ADGRL2: variants seen among roughly 807,000 people sequenced by gnomAD.
ADGRL2 encodes calcium-independent alpha-latrotoxin receptor 2.
A neutral mutation model predicts 157.4 loss-of-function variants in ADGRL2; 44 were observed. The observed-to-expected ratio is 0.28, with a 90% CI of 0.22 to 0.36. ADGRL2 has a LOEUF of 0.36. Ranked by LOEUF, ADGRL2 falls within the 10% of genes least tolerant of loss-of-function variation. ADGRL2 has a pLI of 1.00. For synonymous variants in ADGRL2, 585 were observed against 624.7 expected (o/e 0.94, Z 0.95); for missense variants, 1,510 against 1,768.9 (o/e 0.85, Z 2.63).
At chr1:81,510,874 CCTT>C (rs1448084635) in intron 2 of ADGRL2, among the ~76,000 whole-genome samples, 1 of 152,102 alleles carries the variant, frequency 6.6e-6, no homozygotes, top group Non-Finnish European at 1.5e-5. Flanking sequence ...AAAAAAATAG[CCTT>C]CTTGGTTTGA....
At chr1:81,934,921 T>C (rs1359728727) in intron 3 of ADGRL2, among the ~76,000 whole-genome samples, 1 of 152,012 alleles carries the variant, frequency 6.6e-6, no homozygotes, top group Non-Finnish European at 1.5e-5. Flanking sequence ...TTGTTTTTAA[T>C]GGGACCAAGT....
chr1:81,771,517 C>T (rs896180165), intron 2 of ADGRL2, among the ~76,000 whole-genome samples: 1 of 152,056 alleles, frequency 6.6e-6, no homozygotes. Flanking sequence ...AGGAAAATTG[C>T]AAGTCTTACT....
chr1:81,708,696 A>G (rs948263473), intron 1 of ADGRL2, among the ~76,000 whole-genome samples: 1 of 151,900 alleles, frequency 6.6e-6, no homozygotes, highest in South Asian at 2.1e-4. Context: ...AAGCTGAGGA[A>G]ATGTTTAATA....
At chr1:81,796,632 A>G (rs9726575), upstream of ADGRL2, among the ~76,000 whole-genome samples, 932 of 152,344 alleles carry the variant, frequency 6.1e-3, 10 homozygotes, top group African/African-American at 0.021. Flanking sequence ...CTAAATCTTT[A>G]TATACAATTA....
At chr1:81,882,843 G>GT (rs2094023464) in intron 2 of ADGRL2, among the ~76,000 whole-genome samples, 1 of 152,104 alleles carries the variant, frequency 6.6e-6, no homozygotes, top group African/African-American at 2.4e-5. Context: ...TCACGTATAT[G>GT]TTTGAAGACC....
intron 2 of ADGRL2, among the ~76,000 whole-genome samples, chr1:81,445,728 T>G (rs1339434685): frequency 6.6e-6 from 1 of 152,184 alleles, no homozygotes; most frequent in African/African-American, 2.4e-5. Flanking sequence ...AAGCCTAGCC[T>G]TCAGAGCCCA....
At chr1:81,471,067 A>T (rs1368626320) in intron 2 of ADGRL2, among the ~76,000 whole-genome samples, 3 of 152,112 alleles carry the variant, frequency 2.0e-5, no homozygotes, top group Non-Finnish European at 2.9e-5. Flanking sequence ...TATTTCAAGG[A>T]TATTTTTGAG....
chr1:81,633,986 T>A (rs774140840), intron 3 of ADGRL2, among the ~76,000 whole-genome samples: 43 of 152,034 alleles, frequency 2.8e-4, no homozygotes, highest in Non-Finnish European at 4.9e-4. Flanking sequence ...TTTAAAGCCA[T>A]AAGACTGTAT....
At chr1:81,823,350 C>G (rs2091176869) in intron 1 of ADGRL2, among the ~76,000 whole-genome samples, 1 of 142,042 alleles carries the variant, frequency 7.0e-6, no homozygotes, top group Non-Finnish European at 1.5e-5. Context: ...TTCCCTCCCT[C>G]CTTCCCTCCT....
At chr1:81,769,924 C>T (rs1478564596) in intron 2 of ADGRL2, among the ~76,000 whole-genome samples, 1 of 151,894 alleles carries the variant, frequency 6.6e-6, no homozygotes, top group East Asian at 1.9e-4. Context: ...AGTGCAATGG[C>T]ACGATCTTAG....
chr1:81,716,927 A>T (rs2084137518), intron 1 of ADGRL2, among the ~76,000 whole-genome samples: 1 of 152,170 alleles, frequency 6.6e-6, no homozygotes, highest in African/African-American at 2.4e-5. Flanking sequence ...TTAGTTTTTG[A>T]TCTTCAGTCT....
At chr1:81,471,881 AT>A (rs1242845404) in intron 2 of ADGRL2, among the ~76,000 whole-genome samples, 5 of 152,160 alleles carry the variant, frequency 3.3e-5, no homozygotes, top group African/African-American at 1.2e-4. Context: ...TTCTAAAATC[AT>A]TTTCTTCAGT....
At chr1:81,888,610 G>GT (rs2094185985) in intron 2 of ADGRL2, among the ~76,000 whole-genome samples, 1 of 151,736 alleles carries the variant, frequency 6.6e-6, no homozygotes, top group South Asian at 2.1e-4. Flanking sequence ...GGCTAATTTT[G>GT]TTTTTGTATT....
At chr1:81,368,235 A>G (rs965094934) in intron 1 of ADGRL2, among the ~76,000 whole-genome samples, 1 of 152,122 alleles carries the variant, frequency 6.6e-6, no homozygotes, top group African/African-American at 2.4e-5. Flanking sequence ...CTGGCATGAG[A>G]TGGTATCTCA....
chr1:81,696,236 C>G (rs565326767), upstream of ADGRL2, among the ~76,000 whole-genome samples: 1 of 151,556 alleles, frequency 6.6e-6, no homozygotes, highest in South Asian at 2.1e-4. Context: ...TTTTTTTCAA[C>G]AAATATGTTT....
At chr1:81,486,017 A>T (rs934810564) in intron 2 of ADGRL2, among the ~76,000 whole-genome samples, 4 of 152,202 alleles carry the variant, frequency 2.6e-5, no homozygotes, top group African/African-American at 4.8e-5. Context: ...CCTTCTATGG[A>T]CAAGCCACTG....
intron 2 of ADGRL2, among the ~76,000 whole-genome samples, chr1:81,774,085 G>A (rs1571166833): frequency 6.6e-6 from 1 of 152,260 alleles, no homozygotes; most frequent in East Asian, 1.9e-4. Flanking sequence ...CAAAACTGGG[G>A]GAAAATTAGT....
intron 1 of ADGRL2, among the ~76,000 whole-genome samples, chr1:81,709,893 G>A (rs1376156005): frequency 1.3e-5 from 2 of 152,092 alleles, no homozygotes; most frequent in Admixed American, 6.5e-5. Flanking sequence ...AAGAAGTAAA[G>A]TCAATTGTTT....
At chr1:81,914,038 T>C (rs1285939424) in intron 3 of ADGRL2, among the ~76,000 whole-genome samples, 1 of 151,572 alleles carries the variant, frequency 6.6e-6, no homozygotes, top group Non-Finnish European at 1.5e-5. Flanking sequence ...TGGGAAGTGG[T>C]GAATATTGGA....
Sources: allele counts gnomAD v4.1 joint callset (sites outside exome capture counted in the v4.1 genomes callset), GRCh38; gene constraint gnomAD v4.1.1; transcripts MANE v1.5; gene names NCBI Gene and HGNC (gene_info 2026-07-23, HGNC 2026-07-21).